PSG3: variants seen among roughly 807,000 people sequenced by gnomAD.
PSG3 encodes pregnancy specific beta-1-glycoprotein 3, also known as pregnancy-specific beta-1-glycoprotein 3.
In PSG3, 61 loss-of-function variants were observed where a neutral mutation model predicts 47.5. The ratio of observed to expected loss-of-function variants is 1.28; its 90% CI spans 1.05 to 1.59. The LOEUF (loss-of-function observed/expected upper bound fraction) is 1.59, where lower values mean the gene tolerates loss of function less well. Ranked by LOEUF, PSG3 falls within the 40% of genes most tolerant of loss-of-function variation. PSG3 has a pLI of 0.00. For missense variants in PSG3, 756 were observed against 524.0 expected (o/e 1.44, Z -4.32); for synonymous variants, 263 against 198.4 (o/e 1.33, Z -2.74).
chr19:42,738,740 G>T lies in PSG3; in HGVS notation c.414C>A (p.Phe138Leu). 2 of 1,613,886 alleles carry T rather than the reference G, an allele frequency of 1.2e-6. No individual in the cohort carries two copies. Among genetic ancestry groups the T allele is most frequent in the Non-Finnish European group, 1.7e-6 (2 of 1,179,830 alleles). ...GDGTRGETGH[F>L]TFTLYLETPK... ...GTCACTCACGGTATAAGGTGAAGGT[G>T]AAATGTCCAGTTTCTCCTCTAGTCC... The change falls in exon 2 of 7, where the codon TTC becomes TTA. Residue 138 changes from phenylalanine (F) to leucine (L), a missense_variant. By Grantham distance (22) the Phe-to-Leu change is conservative. Transcript: ENST00000327495.
rs528909536 is a variant in PSG3, at chr19:42,730,818, C to T, written c.710-762G>A. Among the ~76,000 whole-genome samples the T allele has an allele frequency of 1.2e-4, 18 of 152,324 alleles. 1 individual carries two copies. In the South Asian group the frequency reaches 3.5e-3, roughly 30 times the overall value. ...GTTCTTTAAGTTTCCTCTCCTTCTG[C>T]AGAGGGCAGGTGAGGACCATGTGGA... On this transcript the variant is annotated intron_variant, in intron 3 of 6. Coordinates refer to ENST00000327495, the MANE Select transcript of PSG3 (RefSeq NM_021016.4).
intron 5 of PSG3, among the ~76,000 whole-genome samples, chr19:42,726,830 G>A (rs1969385585): frequency 1.3e-5 from 2 of 152,144 alleles, no homozygotes; most frequent in Non-Finnish European, 2.9e-5. Context: ...TAGACACACA[G>A]CTTTGAAGAG....
chr19:42,733,090 C>T lies in PSG3; in HGVS notation c.431-28G>A, dbSNP rs768991010. On this transcript the variant is annotated intron_variant, in intron 2 of 6. Coordinates refer to ENST00000327495, the MANE Select transcript of PSG3 (RefSeq NM_021016.4). The stretch of plus-strand genomic sequence containing the variant: ...GTGCAGAAAACAGAGAGAAGATTGC[C>T]CTGTGTGGCACCTTTGATTCCTCCA... 2.5e-5 allele frequency: 40 copies of T among 1,605,476 alleles called. No individual in the cohort carries two copies. The South Asian group carries it at 3.4e-4, about 14-fold the overall frequency.
chr19:42,738,188 C>T (rs1050983977), intron 2 of PSG3, among the ~76,000 whole-genome samples: 9 of 152,212 alleles, frequency 5.9e-5, no homozygotes, highest in African/African-American at 2.2e-4. Context: ...GAGGGCTGAG[C>T]CCTGGCTGGT....
Position 42,738,797 on chromosome 19 carries a change from G to A in PSG3, c.357C>T (p.Ser119=). The change falls in exon 2 of 7, where the codon TCC becomes TCT. Residue 119 remains serine (S), a synonymous_variant. Transcript: ENST00000327495. ...IQNVTREDAG[S]YTLHIVKRGD... is the part of the protein sequence containing the mutation. ...CTCGCTTTACGATGTGTAAGGTGTAGGATCCTGCGTCCTCCCGGGTGACAT... is the reference window on the plus strand; with the variant it reads ...CTCGCTTTACGATGTGTAAGGTGTAAGATCCTGCGTCCTCCCGGGTGACAT... 3.7e-6 allele frequency: 6 copies of A among 1,614,122 alleles called. No individual in the cohort carries two copies. The highest frequency in any genetic ancestry group is 5.1e-6 in the Non-Finnish European group (6 of 1,179,988).
chr19:42,731,231 A>T (rs1024498924), intron 3 of PSG3, among the ~76,000 whole-genome samples: 14 of 152,298 alleles, frequency 9.2e-5, no homozygotes, highest in Admixed American at 5.9e-4. Context: ...TATGCATAAG[A>T]CTTAGGACAA....
At position 42,721,979 on chromosome 19, in the gene PSG3, A is replaced by T. The variant is rs1760965762; in HGVS notation, c.*152T>A. 1 of 416,866 alleles carries T rather than the reference A, an allele frequency of 2.4e-6. No individual in the cohort carries two copies. The highest frequency in any genetic ancestry group is 3.6e-5 in the East Asian group (1 of 28,080). The allele number at this position is 416,866 out of a possible 1,614,324, so 25.8% of individuals were successfully genotyped here. A position where few individuals can be genotyped will look rare whatever the true frequency, so the allele number is the denominator to read the frequency against. ...GTGGTATGATCTTGAAGTTATCAGG[A>T]ACTTGTATTCAAGAGTCCTTGTCAG... On this transcript the variant is annotated 3_prime_UTR_variant, in exon 7 of 7. Coordinates refer to ENST00000327495, the MANE Select transcript of PSG3 (RefSeq NM_021016.4).
In PSG3 at chr19:42,738,703, T is replaced by G. The variant is rs749858820; in HGVS notation, c.430+21A>C. The G allele has an allele frequency of 1.5e-5, 25 of 1,613,000 alleles. 1 individual carries two copies. The East Asian group carries it at 3.8e-4, about 24-fold the overall frequency. On this transcript the variant is annotated intron_variant, in intron 2 of 6. Coordinates refer to ENST00000327495, the MANE Select transcript of PSG3 (RefSeq NM_021016.4). ...AAAGACCCCATCCCCCAACACCCAG[T>G]GATCACGTGGAGTCACTCACGGTAT...
intron 2 of PSG3, among the ~76,000 whole-genome samples, chr19:42,735,023 G>A (rs561265204): frequency 5.6e-4 from 86 of 152,226 alleles, no homozygotes; most frequent in African/African-American, 1.9e-3. Flanking sequence ...TATGAAAACG[G>A]CATCATCATG....
rs1393678139 is a variant in PSG3 at position 42,738,819 on chromosome 19, A to G, written c.335T>C (p.Val112Ala). The change falls in exon 2 of 7, where the codon GTC becomes GCC. Residue 112 changes from valine to alanine, a missense_variant. Transcript: ENST00000327495. ...YSNASLLIQNVTREDAGSYTL... is the reference protein window; with the variant it reads ...YSNASLLIQNATREDAGSYTL... ...GTAGGATCCTGCGTCCTCCCGGGTG[A>G]CATTCTGGATCAGCAGGGATGCATT... is the stretch of plus-strand genomic sequence containing the variant. The G allele has an allele frequency of 2.5e-6, 4 of 1,614,104 alleles. No individual in the cohort carries two copies. The highest frequency in any genetic ancestry group is 3.4e-6 in the Non-Finnish European group (4 of 1,179,992).
chr19:42,730,157 C>G, intron 3 of PSG3, 101 bp from the exon 4 acceptor site: 2 of 1,550,930 alleles, frequency 1.3e-6, no homozygotes, highest in Non-Finnish European at 1.7e-6. Flanking sequence ...TCAGCCCACC[C>G]GAGTCCTTGA....
At chr19:42,738,283 C>A (rs951800711) in intron 2 of PSG3, among the ~76,000 whole-genome samples, 9 of 152,208 alleles carry the variant, frequency 5.9e-5, no homozygotes, top group African/African-American at 1.9e-4. Context: ...CAACCCAGCC[C>A]CAGTACAGGC....
intron 3 of PSG3, chr19:42,732,021 G>T (rs1323597551): frequency 6.6e-6 from 1 of 152,048 alleles, no homozygotes; most frequent in Admixed American, 6.6e-5. Context: ...TCCCTGTCCT[G>T]GGTTTTTGAT....
intron 5 of PSG3, among the ~76,000 whole-genome samples, chr19:42,724,981 C>T (rs141072282): frequency 2.0e-5 from 3 of 152,024 alleles, no homozygotes; most frequent in Non-Finnish European, 2.9e-5. Flanking sequence ...ACACAATAAC[C>T]CTGTGAGGTA....
chr19:42,736,968 T>A (rs993678859), intron 2 of PSG3, among the ~76,000 whole-genome samples: 1 of 149,730 alleles, frequency 6.7e-6, no homozygotes, highest in Non-Finnish European at 1.5e-5. Flanking sequence ...GACCTAGGGG[T>A]GGGGGAAGAA....
At chr19:42,732,753 A>C (rs556892453) in intron 3 of PSG3, 31 bp downstream of exon 3, 334 of 1,614,046 alleles carry the variant, frequency 2.1e-4, no homozygotes, top group East Asian at 1.1e-3. Flanking sequence ...GGGATGGCAG[A>C]CTGGCTCACA....
intron 4 of PSG3, among the ~76,000 whole-genome samples, 199 bp from the exon 5 acceptor site, chr19:42,729,576 T>C (rs1969435826): frequency 1.3e-5 from 2 of 152,192 alleles, no homozygotes; most frequent in Admixed American, 6.5e-5. Flanking sequence ...AAGTCTCCCA[T>C]GACAAGAGCG....
At chr19:42,729,018 C>A (rs1490434313) in intron 5 of PSG3, 105 bp downstream of exon 5, 2 of 1,596,914 alleles carry the variant, frequency 1.3e-6, no homozygotes, top group Admixed American at 1.7e-5. Flanking sequence ...TTGCTTGTGC[C>A]CATGGGACAC....
In PSG3 at chr19:42,738,723, C is replaced by T. The variant is rs146032744; in HGVS notation, c.430+1G>A. On this transcript the variant is annotated splice_donor_variant, in intron 2 of 6. Transcript: ENST00000327495. LOFTEE classifies it high-confidence loss of function. The stretch of plus-strand genomic sequence containing the variant: ...CCCAGTGATCACGTGGAGTCACTCA[C>T]GGTATAAGGTGAAGGTGAAATGTCC... 3.7e-5 allele frequency: 59 copies of T among 1,613,366 alleles called. No homozygotes were observed. In the African/African-American group the frequency reaches 4.1e-4, roughly 11 times the overall value.
Sources: gnomAD v4.1 joint callset for allele counts (sites outside exome capture counted in the v4.1 genomes callset) on GRCh38, gnomAD v4.1.1 for gene constraint, MANE v1.5 for transcripts, NCBI Gene and HGNC (gene_info 2026-07-23, HGNC 2026-07-21) for gene names.